The following TMCO6 variants were observed in gnomAD, a reference collection of about 807,000 sequenced individuals.
TMCO6 encodes transmembrane and coiled-coil domains 6.
A neutral mutation model predicts 61.8 loss-of-function variants in TMCO6; 47 were observed. The observed-to-expected ratio is 0.76, with a 90% confidence interval of 0.60 to 0.97. TMCO6 has a LOEUF of 0.97. Among genes scored for constraint, TMCO6 ranks in the 50% least tolerant of loss-of-function variants. The pLI, the probability that TMCO6 is intolerant of heterozygous loss-of-function variation, is 0.00. For missense variants in TMCO6, 557 were observed against 601.6 expected (o/e 0.93, Z 0.78); for synonymous variants, 261 against 254.2 (o/e 1.03, Z -0.25).
the TMCO6 span, chr5:140,632,940 A>G: frequency 1.7e-5 from 28 of 1,613,956 alleles, no homozygotes; most frequent in Non-Finnish European, 2.3e-5. This position sits in a 1 kb window ranked among gnomAD's most constrained non-coding sequence, Gnocchi z 6.2. Context: ...AGAGACGTGC[A>G]CCAGCGGCAG....
At chr5:140,623,281 T>C in the TMCO6 span, among the ~76,000 whole-genome samples, 1 of 152,232 alleles carries the variant, frequency 6.6e-6, no homozygotes, top group African/African-American at 2.4e-5. Context: ...ACTAGACAGA[T>C]AAACTCAAGT....
rs1053950996 is a variant in TMCO6, at chr5:140,644,113, T to C, written c.1119T>C (p.Ser373=). The C allele has an allele frequency of 6.2e-7, 1 of 1,614,208 alleles. No individual in the cohort carries two copies. The highest frequency in any genetic ancestry group is 8.5e-7 in the Non-Finnish European group (1 of 1,180,030). ...CTTCTCTTCCAGCAAACAGTCCTAGTTTCTGTACCTCCTTGCTCTCCCTGG... is the reference window on the plus strand; with the variant it reads ...CTTCTCTTCCAGCAAACAGTCCTAGCTTCTGTACCTCCTTGCTCTCCCTGG... ...LLNNLTANSP[S]FCTSLLSLDL... Residue 373 remains serine, a synonymous_variant, in exon 10 of 12, where the codon AGT becomes AGC. Transcript: ENST00000394671.
chr5:140,618,022 T>C, the TMCO6 span, among the ~76,000 whole-genome samples: 1 of 152,048 alleles, frequency 6.6e-6, no homozygotes, highest in Non-Finnish European at 1.5e-5. Flanking sequence ...CAAGATACTA[T>C]AAAGCTACAG....
chr5:140,637,971 C>T (rs1291226971), upstream of TMCO6, among the ~76,000 whole-genome samples: 1 of 145,654 alleles, frequency 6.9e-6, no homozygotes, highest in African/African-American at 2.6e-5. Flanking sequence ...TCTTTCTTTT[C>T]TCCCTTTCTT....
rs931909464 is a variant in TMCO6 at position 140,641,459 on chromosome 5, G to T, written c.199-206G>T. On this transcript the variant is annotated intron_variant, in intron 2 of 11. Coordinates refer to ENST00000394671, the MANE Select transcript of TMCO6 (RefSeq NM_018502.5). ...GGAAACTTAGGTTCAGGTCCCATAT[G>T]GAGTAAGTGGCAGGTATGGTATTAG... is the stretch of plus-strand genomic sequence containing the variant. The T allele has an allele frequency of 3.0e-5, 17 of 575,486 alleles. 1 individual carries two copies. The South Asian group carries it at 3.6e-4, about 12-fold the overall frequency. 35.6% of individuals were successfully genotyped at this position (575,486 alleles called of 1,614,324 possible). A position where few individuals can be genotyped will look rare whatever the true frequency, so the allele number is the denominator to read the frequency against.
chr5:140,638,582 G>C (rs1308171836), upstream of TMCO6, among the ~76,000 whole-genome samples: 1 of 137,392 alleles, frequency 7.3e-6, no homozygotes, highest in Non-Finnish European at 1.6e-5. Context: ...TTTTTTTTGA[G>C]ACGGAGTTTC....
the TMCO6 span, among the ~76,000 whole-genome samples, chr5:140,600,673 C>T: frequency 6.6e-6 from 1 of 152,060 alleles, no homozygotes; most frequent in African/African-American, 2.4e-5. Context: ...TCATTTTGGC[C>T]AGCCTGGTCT....
At chr5:140,623,555 C>T in the TMCO6 span, among the ~76,000 whole-genome samples, 1 of 152,130 alleles carries the variant, frequency 6.6e-6, no homozygotes, top group Non-Finnish European at 1.5e-5. Flanking sequence ...AAAAATCCCG[C>T]AACAGTTCAA....
intron 10 of TMCO6, 96 bp downstream of exon 10, chr5:140,644,290 C>T (rs1237654030): frequency 7.3e-7 from 1 of 1,364,638 alleles, no homozygotes; most frequent in Admixed American, 1.7e-5. Context: ...TGAGAGCCAG[C>T]AGGTGGTGGT....
At chr5:140,646,988 C>T, downstream of TMCO6, 1 of 404,706 alleles carries the variant, frequency 2.5e-6, no homozygotes, top group South Asian at 3.9e-5. Flanking sequence ...AACTTCTCTC[C>T]TGTCTGAAGC....
chr5:140,605,301 A>G, the TMCO6 span, among the ~76,000 whole-genome samples: 1 of 152,036 alleles, frequency 6.6e-6, no homozygotes, highest in African/African-American at 2.4e-5. Context: ...TTCCTTTCCA[A>G]ATTGGATGCC....
At chr5:140,625,008 C>A in the TMCO6 span, among the ~76,000 whole-genome samples, 1 of 151,738 alleles carries the variant, frequency 6.6e-6, no homozygotes, top group Non-Finnish European at 1.5e-5. Context: ...CGCTTGGCAC[C>A]GCGCCTGGCT....
the TMCO6 span, among the ~76,000 whole-genome samples, chr5:140,616,443 C>A: frequency 6.6e-6 from 1 of 151,702 alleles, no homozygotes; most frequent in Non-Finnish European, 1.5e-5. Flanking sequence ...CGGCCTATAG[C>A]CCTAGCTACC....
chr5:140,633,277 C>G, the TMCO6 span: 18 of 653,396 alleles, frequency 2.8e-5, no homozygotes, highest in East Asian at 4.6e-4. Flanking sequence ...TCCTCCGAGC[C>G]AGCCCCCTTC....
the TMCO6 span, among the ~76,000 whole-genome samples, chr5:140,623,990 T>C: frequency 6.6e-6 from 1 of 152,228 alleles, no homozygotes; most frequent in Non-Finnish European, 1.5e-5. Context: ...CTGATCCAAC[T>C]GTCACCATGT....
At chr5:140,603,712 T>A in the TMCO6 span, among the ~76,000 whole-genome samples, 82,934 of 151,798 alleles carry the variant, frequency 0.55, 23,007 homozygotes, top group African/African-American at 0.59. Context: ...CATTAAATGT[T>A]CATATCACAA....
chr5:140,603,179 C>T, the TMCO6 span, among the ~76,000 whole-genome samples: 1 of 152,184 alleles, frequency 6.6e-6, no homozygotes, highest in Non-Finnish European at 1.5e-5. Context: ...CTCTCCCCTC[C>T]CCAGGTGACC....
downstream of TMCO6, chr5:140,647,235 C>T (rs2149802838): frequency 6.5e-7 from 1 of 1,530,100 alleles, no homozygotes; most frequent in East Asian, 2.3e-5. Context: ...GAGCCCCAGA[C>T]CCCTGGCGTC....
the TMCO6 span, among the ~76,000 whole-genome samples, chr5:140,614,413 CAGG>C: frequency 1.3e-5 from 2 of 152,050 alleles, no homozygotes; most frequent in South Asian, 4.2e-4. Flanking sequence ...GAGGCTGAAG[CAGG>C]AGAATTGCTT....
Sources: gnomAD v4.1 joint callset for allele counts (sites outside exome capture counted in the v4.1 genomes callset) on GRCh38, gnomAD v4.1.1 for gene constraint, Gnocchi (gnomAD v3.1) non-coding constraint, MANE v1.5 for transcripts, NCBI Gene and HGNC (gene_info 2026-07-23, HGNC 2026-07-21) for gene names.